The following TBC1D5 variants were observed in gnomAD, a reference collection of about 807,000 sequenced individuals.
TBC1D5 encodes TBC1 domain family member 5.
TBC1D5 carries 75 observed loss-of-function variants against 100.3 expected under a neutral mutation model. The ratio of observed to expected loss-of-function variants is 0.75; its 90% CI spans 0.62 to 0.91. The LOEUF (loss-of-function observed/expected upper bound fraction) is 0.91. TBC1D5 is among the 40% of genes least tolerant of loss of function. TBC1D5 has a pLI of 0.00. For synonymous variants in TBC1D5, 323 were observed against 325.6 expected (o/e 0.99, Z 0.09); for missense variants, 910 against 942.4 (o/e 0.97, Z 0.45).
chr3:17,239,288 G>A (rs969290133), intron 16 of TBC1D5, among the ~76,000 whole-genome samples: 12 of 152,104 alleles, frequency 7.9e-5, no homozygotes, highest in Non-Finnish European at 1.8e-4. Flanking sequence ...CTCCATTTGT[G>A]CTTTGAATCC....
At chr3:17,254,007 T>A (rs1199216794) in intron 16 of TBC1D5, among the ~76,000 whole-genome samples, 4 of 152,246 alleles carry the variant, frequency 2.6e-5, no homozygotes, top group Non-Finnish European at 4.4e-5. Flanking sequence ...ATGCAGGTGG[T>A]CCTGGAACCA....
intron 1 of TBC1D5, among the ~76,000 whole-genome samples, chr3:17,693,964 G>C (rs756660546): frequency 6.6e-6 from 1 of 152,122 alleles, no homozygotes; most frequent in Admixed American, 6.6e-5. Flanking sequence ...GTCTGGAGTG[G>C]ACCTCCAGCA....
chr3:17,438,934 A>G (rs1008221727), intron 3 of TBC1D5, among the ~76,000 whole-genome samples: 2 of 152,112 alleles, frequency 1.3e-5, no homozygotes, highest in African/African-American at 4.8e-5. Flanking sequence ...CTGAATATAT[A>G]TAACAAAAAT....
chr3:17,501,095 T>C (rs1161258483), intron 3 of TBC1D5, among the ~76,000 whole-genome samples: 1 of 149,706 alleles, frequency 6.7e-6, no homozygotes, highest in Non-Finnish European at 1.5e-5. Flanking sequence ...CTCCTATTTA[T>C]TTAACAATCT....
intron 3 of TBC1D5, among the ~76,000 whole-genome samples, chr3:17,456,617 TA>T (rs747354608): frequency 9.9e-5 from 15 of 152,198 alleles, no homozygotes; most frequent in Non-Finnish European, 2.1e-4. Flanking sequence ...TCACTCCAGT[TA>T]AAATGGCTTT....
At chr3:17,523,969 G>A (rs1326466109) in intron 2 of TBC1D5, among the ~76,000 whole-genome samples, 1 of 152,094 alleles carries the variant, frequency 6.6e-6, no homozygotes, top group Non-Finnish European at 1.5e-5. Flanking sequence ...CTTTTTAGGG[G>A]TGCAATGATT....
At chr3:17,565,898 C>T (rs1489003621) in intron 2 of TBC1D5, among the ~76,000 whole-genome samples, 1 of 152,010 alleles carries the variant, frequency 6.6e-6, no homozygotes, top group Non-Finnish European at 1.5e-5. Flanking sequence ...CCACTAGTCT[C>T]TTTAATTACT....
intron 1 of TBC1D5, among the ~76,000 whole-genome samples, chr3:17,654,752 T>C (rs1322576003): frequency 6.6e-6 from 1 of 152,184 alleles, no homozygotes; most frequent in African/African-American, 2.4e-5. Flanking sequence ...TTCCTCCTTG[T>C]ACCCCTGGTA....
intron 18 of TBC1D5, 79 bp from the exon 20 acceptor site, chr3:17,185,287 A>T (rs1022296774): frequency 1.6e-6 from 2 of 1,222,796 alleles, no homozygotes; most frequent in African/African-American, 1.5e-5. Flanking sequence ...AATGATCTAG[A>T]CTAGTTTAAA....
At chr3:17,488,181 G>A (rs762430082) in intron 3 of TBC1D5, among the ~76,000 whole-genome samples, 15 of 151,930 alleles carry the variant, frequency 9.9e-5, no homozygotes, top group South Asian at 2.1e-4. Context: ...TGTTTTTACC[G>A]TCTCCTTAGT....
intron 1 of TBC1D5, among the ~76,000 whole-genome samples, chr3:17,696,299 A>G (rs577518764): frequency 3.9e-4 from 60 of 152,316 alleles, no homozygotes; most frequent in Non-Finnish European, 8.1e-4. Context: ...AAAAAAATCA[A>G]TGAATCCAAG....
chr3:17,481,903 G>T (rs1285854992), intron 3 of TBC1D5, among the ~76,000 whole-genome samples: 1 of 152,120 alleles, frequency 6.6e-6, no homozygotes, highest in South Asian at 2.1e-4. Context: ...ACCACGCCTG[G>T]CTAATTTTTA....
At chr3:17,279,914 A>G (rs1470069734) in intron 15 of TBC1D5, among the ~76,000 whole-genome samples, 1 of 152,226 alleles carries the variant, frequency 6.6e-6, no homozygotes, top group African/African-American at 2.4e-5. Flanking sequence ...ATTTCATTAC[A>G]TCACCAGCAC....
intron 14 of TBC1D5, among the ~76,000 whole-genome samples, chr3:17,305,203 T>A (rs919679521): frequency 1.3e-5 from 2 of 152,086 alleles, no homozygotes; most frequent in African/African-American, 4.8e-5. Context: ...GACCTTCTTT[T>A]CTCTGCTTGG....
At chr3:17,617,229 A>G (rs2062246795) in intron 2 of TBC1D5, among the ~76,000 whole-genome samples, 2 of 152,214 alleles carry the variant, frequency 1.3e-5, no homozygotes, top group South Asian at 4.1e-4. Context: ...CTTCTGGCTT[A>G]TAGGGTTTCT....
rs1199260338 is a variant in TBC1D5 at position 17,690,204 on chromosome 3, ATTTTTTTTTTT to A, written c.-101+49128_-101+49138del. On this transcript the variant is annotated intron_variant, in intron 1 of 21. Coordinates refer to ENST00000253692, the Ensembl canonical transcript of TBC1D5. ...AGAACTGAAGCATAAAAATAGCCAT[ATTTTTTTTTTT>A]TTTTTTTTTTTTTTTTTTTGAGACG... Among the ~76,000 whole-genome samples the A allele has an allele frequency of 2.1e-3, 99 of 47,050 alleles. 11 individuals carry two copies. The highest frequency in any genetic ancestry group is 2.6e-3 in the Non-Finnish European group (64 of 24,706). 30.9% of individuals were successfully genotyped at this position (47,050 alleles called of 152,430 possible).
At chr3:17,396,102 G>A (rs963603268) in intron 8 of TBC1D5, among the ~76,000 whole-genome samples, 1 of 152,038 alleles carries the variant, frequency 6.6e-6, no homozygotes, top group Non-Finnish European at 1.5e-5. Context: ...AGAGCGGCTT[G>A]TGTTGTAGTT....
intron 2 of TBC1D5, among the ~76,000 whole-genome samples, chr3:17,608,398 A>T (rs755622257): frequency 6.6e-6 from 1 of 152,218 alleles, no homozygotes; most frequent in Non-Finnish European, 1.5e-5. Context: ...AAAAATTGCC[A>T]TATTTTCTGA....
chr3:17,621,345 G>C (rs556640009), intron 2 of TBC1D5, among the ~76,000 whole-genome samples: 140 of 152,268 alleles, frequency 9.2e-4, no homozygotes, highest in African/African-American at 3.2e-3. Context: ...CAACACACTA[G>C]TGCCAAGATC....
Sources: gnomAD v4.1 joint callset for allele counts (sites outside exome capture counted in the v4.1 genomes callset) on GRCh38, gnomAD v4.1.1 for gene constraint, MANE v1.5 for transcripts, NCBI Gene and HGNC (gene_info 2026-07-23, HGNC 2026-07-21) for gene names.